The following HS6ST3 variants were observed in gnomAD, a reference collection of about 807,000 sequenced individuals.
The protein encoded by HS6ST3 is heparan-sulfate 6-O-sulfotransferase 3.
In HS6ST3, 12 loss-of-function variants were observed where a neutral mutation model predicts 36.7. The observed-to-expected ratio is 0.33, with a 90% confidence interval of 0.21 to 0.53. The LOEUF (loss-of-function observed/expected upper bound fraction) is 0.53. Among genes scored for constraint, HS6ST3 ranks in the 20% least tolerant of loss-of-function variants. The pLI, the probability that HS6ST3 is intolerant of heterozygous loss-of-function variation, is 0.95. For synonymous variants in HS6ST3, 240 were observed against 257.5 expected, an observed-to-expected ratio of 0.93 and a Z score of 0.65; for missense variants, 584 against 640.9, an observed-to-expected ratio of 0.91 and a Z score of 0.96.
At chr13:96,163,508 C>A (rs943810795) in intron 1 of HS6ST3, among the ~76,000 whole-genome samples, 1 of 152,100 alleles carries the variant, frequency 6.6e-6, no homozygotes, top group Non-Finnish European at 1.5e-5. Flanking sequence ...GGATTACAGG[C>A]GTGAGCCACT....
chr13:96,146,371 A>T (rs1361756759), intron 1 of HS6ST3, among the ~76,000 whole-genome samples: 1 of 152,106 alleles, frequency 6.6e-6, no homozygotes, highest in Non-Finnish European at 1.5e-5. Context: ...GGTCCTTCAC[A>T]TCCCTTGTAA....
At chr13:96,280,122 A>G (rs891169557) in intron 1 of HS6ST3, among the ~76,000 whole-genome samples, 6 of 152,148 alleles carry the variant, frequency 3.9e-5, no homozygotes, top group South Asian at 2.1e-4. Context: ...GTCAACATAA[A>G]GCTTGCTTTG....
Position 96,488,224 on chromosome 13 carries a change from G to A in HS6ST3, c.708-344266G>A, listed in dbSNP as rs183458486. Among the ~76,000 whole-genome samples, 604 of 152,040 alleles carry A rather than the reference G, an allele frequency of 4.0e-3. 4 individuals carry two copies. The highest frequency in any genetic ancestry group is 9.3e-3 in the African/African-American group (384 of 41,492). Reference sequence around the variant, plus strand: ...CTCTCCTGTATAACAGGTAAGAAAGGGCAATTTTGCTATTTATATTTTCTC... The same window carrying A: ...CTCTCCTGTATAACAGGTAAGAAAGAGCAATTTTGCTATTTATATTTTCTC... On this transcript the variant is annotated intron_variant, in intron 1 of 1. Coordinates refer to ENST00000376705, the MANE Select transcript of HS6ST3 (RefSeq NM_153456.4).
chr13:96,497,695 A>G (rs2055984443), intron 1 of HS6ST3, among the ~76,000 whole-genome samples: 1 of 152,108 alleles, frequency 6.6e-6, no homozygotes, highest in Non-Finnish European at 1.5e-5. Flanking sequence ...CATTGCCCCT[A>G]GGTTAATATT....
At chr13:96,188,405 A>G (rs1172927926) in intron 1 of HS6ST3, among the ~76,000 whole-genome samples, 3 of 151,584 alleles carry the variant, frequency 2.0e-5, no homozygotes. Flanking sequence ...TCTTGAGGCC[A>G]GGAGTTCAAG....
chr13:96,781,599 G>A (rs1004635524), intron 1 of HS6ST3, among the ~76,000 whole-genome samples: 3 of 152,142 alleles, frequency 2.0e-5, no homozygotes, highest in African/African-American at 7.2e-5. Flanking sequence ...CTATAAAAAT[G>A]GAAAGATAAA....
chr13:96,250,842 A>G (rs2054604553), intron 1 of HS6ST3, among the ~76,000 whole-genome samples: 1 of 152,336 alleles, frequency 6.6e-6, no homozygotes, highest in Non-Finnish European at 1.5e-5. Context: ...GATTGAGATA[A>G]TTATATGCTT....
At chr13:96,306,650 G>A (rs1039021950) in intron 1 of HS6ST3, among the ~76,000 whole-genome samples, 5 of 152,138 alleles carry the variant, frequency 3.3e-5, no homozygotes, top group African/African-American at 1.2e-4. Flanking sequence ...GACTGCTGGG[G>A]GAAGGGCTCA....
intron 1 of HS6ST3, among the ~76,000 whole-genome samples, chr13:96,284,050 A>G (rs564231231): frequency 6.6e-6 from 1 of 152,256 alleles, no homozygotes; most frequent in Admixed American, 6.5e-5. Flanking sequence ...CCAAATCTTA[A>G]CAGAAAGATG....
At chr13:96,095,274 T>C (rs61966754) in intron 1 of HS6ST3, among the ~76,000 whole-genome samples, 4,432 of 152,352 alleles carry the variant, frequency 0.029, 80 homozygotes, top group Non-Finnish European at 0.034. Flanking sequence ...ATTTTGAATA[T>C]TGGCAGCCCT....
At chr13:96,633,124 G>A (rs2056537540) in intron 1 of HS6ST3, among the ~76,000 whole-genome samples, 1 of 152,180 alleles carries the variant, frequency 6.6e-6, no homozygotes, top group African/African-American at 2.4e-5. Flanking sequence ...ACATGGAGGA[G>A]TGATGCCAGT....
At chr13:96,101,235 T>C (rs891845915) in intron 1 of HS6ST3, among the ~76,000 whole-genome samples, 4 of 152,174 alleles carry the variant, frequency 2.6e-5, no homozygotes, top group African/African-American at 9.7e-5. Context: ...CAAAACTGGC[T>C]ATAGTTTGCA....
chr13:96,682,862 C>T (rs1227722637), intron 1 of HS6ST3, among the ~76,000 whole-genome samples: 1 of 152,034 alleles, frequency 6.6e-6, no homozygotes, highest in South Asian at 2.1e-4. Context: ...ATTAGTGTCA[C>T]CCGAAAAAGA....
At chr13:96,507,666 A>G (rs1478999322) in intron 1 of HS6ST3, among the ~76,000 whole-genome samples, 2 of 152,030 alleles carry the variant, frequency 1.3e-5, no homozygotes, top group African/African-American at 4.8e-5. Flanking sequence ...TTTATTAATA[A>G]TAATAACATT....
chr13:96,710,570 A>ATGTT, intron 1 of HS6ST3, among the ~76,000 whole-genome samples: 1 of 152,382 alleles, frequency 6.6e-6, no homozygotes, highest in South Asian at 2.1e-4. Flanking sequence ...TATTCAATAA[A>ATGTT]TGTTTGTTAA....
intron 1 of HS6ST3, among the ~76,000 whole-genome samples, chr13:96,544,458 A>T (rs1168319668): frequency 6.6e-6 from 1 of 152,210 alleles, no homozygotes; most frequent in Non-Finnish European, 1.5e-5. Flanking sequence ...TTGATGGCAG[A>T]TGGATAGGAA....
At chr13:96,659,499 A>G (rs2056638912) in intron 1 of HS6ST3, among the ~76,000 whole-genome samples, 1 of 152,036 alleles carries the variant, frequency 6.6e-6, no homozygotes, top group African/African-American at 2.4e-5. Context: ...TTAATAAATT[A>G]CTTCTTAAAT....
At chr13:96,727,982 T>C (rs1158353550) in intron 1 of HS6ST3, among the ~76,000 whole-genome samples, 1 of 152,178 alleles carries the variant, frequency 6.6e-6, no homozygotes, top group Non-Finnish European at 1.5e-5. Flanking sequence ...ATACAACCCT[T>C]TTAGTCCTCA....
At chr13:96,613,857 CAAT>C (rs1214984467) in intron 1 of HS6ST3, among the ~76,000 whole-genome samples, 1 of 152,054 alleles carries the variant, frequency 6.6e-6, no homozygotes, top group African/African-American at 2.4e-5. Context: ...GGGAAATAGT[CAAT>C]AAAATATTTG....
Sources: allele counts gnomAD v4.1 joint callset (sites outside exome capture counted in the v4.1 genomes callset), GRCh38; gene constraint gnomAD v4.1.1; transcripts MANE v1.5; gene names NCBI Gene and HGNC (gene_info 2026-07-23, HGNC 2026-07-21).